Variants in COL6A2 observed in about 807,000 individuals in gnomAD.
The protein encoded by COL6A2 is collagen alpha-2(VI) chain.
A neutral mutation model predicts 124.9 loss-of-function variants in COL6A2; 90 were observed. That is an observed-to-expected ratio of 0.72 (90% CI 0.61 to 0.86). COL6A2 has a LOEUF of 0.86. Ranked by LOEUF, COL6A2 falls within the 40% of genes least tolerant of loss-of-function variation. The probability of loss-of-function intolerance (pLI) is 0.00; values close to 1 mark genes in which losing one functional copy is unlikely to be tolerated. For synonymous variants in COL6A2, 793 were observed against 618.2 expected, an observed-to-expected ratio of 1.28 and a Z score of -4.19; for missense variants, 1,607 against 1,502.5, an observed-to-expected ratio of 1.07 and a Z score of -1.15.
In COL6A2 at chr21:46,125,286, C is replaced by T. The variant is rs776755125; in HGVS notation, c.1791C>T (p.Tyr597=). The change falls in exon 24 of 28, where the codon TAC becomes TAT. Residue 597 remains tyrosine (Y), a synonymous_variant. Transcript: ENST00000300527. ...PGLTECDVMT[Y]VRETCGCCDC... ...TGCAGGAGTGTGACGTCATGACCTA[C>T]GTGAGGGAGACCTGCGGGTGCTGCG... The T allele has an allele frequency of 3.7e-6, 6 of 1,612,012 alleles. No homozygotes were observed. The highest frequency in any genetic ancestry group is 2.2e-5 in the East Asian group (1 of 44,846).
chr21:46,100,411 T>C (rs1971913369), intron 1 of COL6A2, among the ~76,000 whole-genome samples: 1 of 152,192 alleles, frequency 6.6e-6, no homozygotes, highest in African/African-American at 2.4e-5. Flanking sequence ...TGGTATACAA[T>C]ATAAAATGTA....
In COL6A2 at chr21:46,125,968, G is replaced by A. The variant is rs368641951; in HGVS notation, c.2153G>A (p.Ser718Asn). 1.2e-5 allele frequency: 19 copies of A among 1,613,078 alleles called. No homozygotes were observed. Among genetic ancestry groups the A allele is most frequent in the East Asian group, 2.2e-5 (1 of 44,878 alleles). ...GCCTACGACCGCCTCATCAAGGAGA[G>A]CCGGCGCCAGAAGACACGTGTGTTT... is the stretch of plus-strand genomic sequence containing the variant. ...KFAYDRLIKESRRQKTRVFAV... is the reference protein window; with the variant it reads ...KFAYDRLIKENRRQKTRVFAV... The change falls in exon 26 of 28, where the codon AGC becomes AAC. Residue 718 changes from serine (S) to asparagine (N), a missense_variant. By Grantham distance (46) the Ser-to-Asn change is conservative (BLOSUM62 1). Around this residue, in one of 3 missense-constraint regions of COL6A2, gnomAD observed 1,223 missense variants for 1,052.2 expected, o/e 1.16. Coordinates refer to ENST00000300527, the MANE Select transcript of COL6A2 (RefSeq NM_001849.4).
rs267606747 is a variant in COL6A2, at chr21:46,126,144, T to C, written c.2329T>C (p.Cys777Arg). ...GAGTGAAAACCTCTACTCCATCGCC[T>C]GCGACAAGCCACAGCAGGTGCGCAA... ...HESENLYSIA[C>R]DKPQQVRNMT... is the part of the protein sequence containing the mutation. The change falls in exon 26 of 28, where the codon TGC (cysteine) becomes CGC (arginine). Residue 777 changes from cysteine (C) to arginine (R), a missense_variant. This residue lies in a region of COL6A2 where 1,223 missense variants were observed against 1,052.2 expected (regional missense o/e 1.16). Transcript: ENST00000300527. 2.5e-6 allele frequency: 4 copies of C among 1,611,126 alleles called. No individual in the cohort carries two copies. In the South Asian group the frequency reaches 4.4e-5, roughly 18 times the overall value.
At position 46,112,487 on chromosome 21, in the gene COL6A2, G is replaced by A. The variant is rs146333253; in HGVS notation, c.624G>A (p.Pro208=). 1.1e-4 allele frequency: 175 copies of A among 1,611,204 alleles called. No individual in the cohort carries two copies. In the Admixed American group the frequency reaches 1.5e-3, roughly 14 times the overall value. ...GCCTGCGGGACATCGCCAGCACGCCGCACGAGCTCTACCGCAACGACTACG... is the reference window on the plus strand; with the variant it reads ...GCCTGCGGGACATCGCCAGCACGCCACACGAGCTCTACCGCAACGACTACG... ...EQGLRDIAST[P]HELYRNDYAT... The change falls in exon 3 of 28, where the codon CCG becomes CCA. Residue 208 remains proline, a synonymous_variant. Transcript: ENST00000300527.
At chr21:46,114,386 C>G (rs1390220303) in intron 5 of COL6A2, among the ~76,000 whole-genome samples, 1 of 150,252 alleles carries the variant, frequency 6.7e-6, no homozygotes, top group Non-Finnish European at 1.5e-5. Flanking sequence ...GATCACGCCA[C>G]TGCACTCCAG....
intron 27 of COL6A2, 87 bp from the exon 28 acceptor site, chr21:46,131,867 G>C (rs979355291): frequency 7.7e-7 from 1 of 1,292,064 alleles, no homozygotes; most frequent in Admixed American, 2.0e-5. Context: ...GGCAGGGTGC[G>C]AATGGAAGGG....
Position 46,112,186 on chromosome 21 carries a change from TCAGCC to T in COL6A2, c.326_330del (p.Ser109ThrfsTer165). 6.2e-7 allele frequency: 1 copy of T among 1,612,926 alleles called. No individual in the cohort carries two copies. The highest frequency in any genetic ancestry group is 8.5e-7 in the Non-Finnish European group (1 of 1,180,012). On this transcript the variant is annotated frameshift_variant, in exon 3 of 28. Transcript: ENST00000300527. LOFTEE classifies it high-confidence loss of function. ...CACTTCTCTGACCAGGTGGAGGTGT[TCAGCC>T]CACCGGGCAGCGACCGGGCCTCCTT...
Position 46,117,464 on chromosome 21 carries a change from T to C in COL6A2, c.1053+11T>C. 6.2e-7 allele frequency: 1 copy of C among 1,612,358 alleles called. No homozygotes were observed. Among genetic ancestry groups the C allele is most frequent in the Non-Finnish European group, 8.5e-7 (1 of 1,179,704 alleles). On this transcript the variant is annotated intron_variant, in intron 11 of 27. Coordinates refer to ENST00000300527, the MANE Select transcript of COL6A2 (RefSeq NM_001849.4). ...GACCCTGGAAACCGGGTAAGGGCCG[T>C]TTGCACCCCTCCTTCAGCCTCGGCC...
chr21:46,099,889 C>CGTTT lies in COL6A2; in HGVS notation c.-28+1716_-28+1717insGTTT, dbSNP rs1345870090. Among the ~76,000 whole-genome samples the CGTTT allele has an allele frequency of 1.9e-4, 17 of 91,834 alleles. 1 individual carries two copies. Among genetic ancestry groups the CGTTT allele is most frequent in the African/African-American group, 1.5e-4 (4 of 26,024 alleles). The allele number at this position is 91,834 out of a possible 152,430, so 60.2% of individuals were successfully genotyped here. The stretch of plus-strand genomic sequence containing the variant: ...TCTCCACAATGGATAGCAGCACTGT[C>CGTTT]TTTTTTTTTTTTTTTTTTTTTTTCT... On this transcript the variant is annotated intron_variant, in intron 1 of 27. Transcript: ENST00000300527.
chr21:46,125,190 C>T, intron 23 of COL6A2, 76 bp from the exon 24 acceptor site: 1 of 1,415,180 alleles, frequency 7.1e-7, no homozygotes, highest in Non-Finnish European at 9.9e-7. Flanking sequence ...GTCCCGGGAC[C>T]CCCAGGCCAG....
intron 17 of COL6A2, 55 bp from the exon 18 acceptor site, chr21:46,121,500 CT>C: frequency 1.3e-6 from 2 of 1,560,688 alleles, no homozygotes; most frequent in Non-Finnish European, 1.8e-6. Context: ...CAGGTGACCC[CT>C]GGGCATGGCC....
intron 3 of COL6A2, 51 bp from the exon 4 acceptor site, chr21:46,112,753 G>A (rs374205847): frequency 2.2e-5 from 36 of 1,613,114 alleles, no homozygotes; most frequent in Middle Eastern, 3.3e-4. Context: ...AGGTGCAGCC[G>A]CCCCAGGTCT....
rs541773302 is a variant in COL6A2 at position 46,125,703 on chromosome 21, C to T, written c.1970-82C>T. ...GAGATGGGAGAAGTCCAGACGCGTC[C>T]CTCCAACGAGGGCCTCTGCATGGCT... On this transcript the variant is annotated intron_variant, in intron 25 of 27. Transcript: ENST00000300527. 2.3e-5 allele frequency: 37 copies of T among 1,593,562 alleles called. No homozygotes were observed. In the South Asian group the frequency reaches 4.1e-4, roughly 18 times the overall value.
chr21:46,129,197 T>C (rs1479098452), intron 27 of COL6A2: 13 of 1,612,900 alleles, frequency 8.1e-6, no homozygotes, highest in Non-Finnish European at 1.1e-5. Context: ...CCCTTGCAGA[T>C]GCACCGTGGC....
chr21:46,122,459 T>G, intron 19 of COL6A2, 37 bp from the exon 20 acceptor site: 3 of 1,612,756 alleles, frequency 1.9e-6, no homozygotes, highest in Non-Finnish European at 2.5e-6. Context: ...CACTGGGATC[T>G]GAGGCTGAGT....
In COL6A2 at chr21:46,119,616, C is replaced by G. The variant is rs572031549; in HGVS notation, c.1270-172C>G. 2.0e-4 allele frequency among the ~76,000 whole-genome samples: 30 copies of G among 152,320 alleles called. 1 individual carries two copies. Among genetic ancestry groups the G allele is most frequent in the Admixed American group, 2.0e-3 (30 of 15,304 alleles). On this transcript the variant is annotated intron_variant, in intron 14 of 27. Transcript: ENST00000300527. Reference sequence around the variant, plus strand: ...GAGGGACGAGGGCTGGCAGCAGAGCCACTGGCGCAGGCTGAGGCTGTTGGG... The same window carrying G: ...GAGGGACGAGGGCTGGCAGCAGAGCGACTGGCGCAGGCTGAGGCTGTTGGG...
At chr21:46,128,879 G>T in intron 27 of COL6A2, 1 of 1,594,596 alleles carries the variant, frequency 6.3e-7, no homozygotes. Context: ...AGCCCTACTG[G>T]AGTTTGGCCT....
chr21:46,103,144 C>G (rs545653125), intron 1 of COL6A2, among the ~76,000 whole-genome samples: 26 of 152,050 alleles, frequency 1.7e-4, no homozygotes, highest in African/African-American at 5.6e-4. Context: ...TTGATTTTGT[C>G]TTGATAGGTT....
intron 27 of COL6A2, among the ~76,000 whole-genome samples, chr21:46,128,547 TGCA>T (rs1274182744): frequency 6.6e-6 from 1 of 152,180 alleles, no homozygotes; most frequent in Non-Finnish European, 1.5e-5. Context: ...ACCCTGGGCC[TGCA>T]GCAGGCCTGT....
Sources: allele counts gnomAD v4.1 joint callset (sites outside exome capture counted in the v4.1 genomes callset), GRCh38; gene constraint gnomAD v4.1.1; regional missense constraint gnomAD v4.1.1; transcripts MANE v1.5; gene names NCBI Gene and HGNC (gene_info 2026-07-23, HGNC 2026-07-21).